CHD9: variants seen among roughly 807,000 people sequenced by gnomAD.
CHD9 encodes ATP-dependent chromatin remodeler CHD9.
CHD9 carries 77 observed loss-of-function variants against 316.1 expected under a neutral mutation model. The observed-to-expected ratio is 0.24, with a 90% confidence interval of 0.20 to 0.29. CHD9 has a LOEUF of 0.29. Ranked by LOEUF, CHD9 falls within the 10% of genes least tolerant of loss-of-function variation. The probability of loss-of-function intolerance (pLI) is 1.00; values close to 1 mark genes in which losing one functional copy is unlikely to be tolerated. For synonymous variants in CHD9, 1,129 were observed against 1,158.3 expected, an observed-to-expected ratio of 0.97 and a Z score of 0.51; for missense variants, 2,763 against 3,438.1, an observed-to-expected ratio of 0.80 and a Z score of 4.91.
At chr16:53,081,723 G>C (rs2035032358) in intron 1 of CHD9, among the ~76,000 whole-genome samples, 1 of 151,838 alleles carries the variant, frequency 6.6e-6, no homozygotes, top group Non-Finnish European at 1.5e-5. Context: ...AAGTAGCTGG[G>C]ACTACAGGTG....
intron 2 of CHD9, among the ~76,000 whole-genome samples, chr16:53,202,743 A>T (rs2045570553): frequency 6.6e-6 from 1 of 152,118 alleles, no homozygotes; most frequent in African/African-American, 2.4e-5. Context: ...GTATTACTGT[A>T]TCAATGCAAA....
At chr16:53,189,377 G>A (rs772539313) in intron 2 of CHD9, among the ~76,000 whole-genome samples, 2 of 151,934 alleles carry the variant, frequency 1.3e-5, no homozygotes, top group Non-Finnish European at 2.9e-5. Flanking sequence ...ATCATGAAAA[G>A]ATGTTGAAAC....
At position 53,156,947 on chromosome 16, in the gene CHD9, A is replaced by T; in HGVS notation, c.858A>T (p.Leu286=). ...GTAATCATATATCACCAAACAGTCT[A>T]CTTCAGTCCTCTGCAGTTCTTGCAT... The part of the protein sequence containing the change: ...FSSNHISPNS[L]LQSSAVLASN... The change falls in exon 2 of 39, where the codon CTA becomes CTT. Residue 286 remains leucine, a synonymous_variant. Transcript: ENST00000447540. 1 of 1,613,488 alleles carries T rather than the reference A, an allele frequency of 6.2e-7. No homozygotes were observed. Among genetic ancestry groups the T allele is most frequent in the Non-Finnish European group, 8.5e-7 (1 of 1,179,638 alleles).
At chr16:53,071,367 A>T (rs1296544919) in intron 1 of CHD9, among the ~76,000 whole-genome samples, 1 of 152,190 alleles carries the variant, frequency 6.6e-6, no homozygotes, top group Non-Finnish European at 1.5e-5. Context: ...ATGGTGTTAT[A>T]TAGACAATGA....
intron 2 of CHD9, among the ~76,000 whole-genome samples, chr16:53,172,938 T>A: frequency 6.6e-6 from 1 of 152,176 alleles, no homozygotes; most frequent in Non-Finnish European, 1.5e-5. Flanking sequence ...TTTCTCCCAG[T>A]CTGTGGGTTG....
In CHD9 at chr16:53,309,444, G is replaced by T. The variant is rs1199457911; in HGVS notation, c.7222+590G>T. Among the ~76,000 whole-genome samples the T allele has an allele frequency of 2.0e-5, 3 of 152,120 alleles. No homozygotes were observed. The East Asian group carries it at 5.8e-4, about 29-fold the overall frequency. On this transcript the variant is annotated intron_variant, in intron 34 of 38. Transcript: ENST00000447540. The stretch of plus-strand genomic sequence containing the variant: ...GGCAATGCATAATTAACCTAATCCT[G>T]TGTCTACATGATAAATCTTAGCATT...
Position 53,245,597 on chromosome 16 carries a change from A to G in CHD9, c.3201A>G (p.Val1067=). 1 of 1,558,326 alleles carries G rather than the reference A, an allele frequency of 6.4e-7. No individual in the cohort carries two copies. The highest frequency in any genetic ancestry group is 1.7e-4 in the Middle Eastern group (1 of 5,784). The change falls in exon 15 of 39, where the codon GTA becomes GTG. Residue 1067 remains valine (V), a splice_region_variant and synonymous_variant. Transcript: ENST00000447540. This position sits in a 1 kb window ranked among gnomAD's most constrained non-coding sequence, Gnocchi z 4.1. Reference sequence around the variant, plus strand: ...TCTTTTTATCATTTTTTATTCAGGTACAGAAACTTCAGGCTATCCTGAAAC... The same window carrying G: ...TCTTTTTATCATTTTTTATTCAGGTGCAGAAACTTCAGGCTATCCTGAAAC... The part of the protein sequence containing the change: ...EFGDLKTEEQ[V]QKLQAILKPM...
At chr16:53,221,493 C>T (rs2047227893) in intron 3 of CHD9, among the ~76,000 whole-genome samples, 1 of 152,172 alleles carries the variant, frequency 6.6e-6, no homozygotes, top group East Asian at 1.9e-4. Flanking sequence ...TAAAATAGTA[C>T]GTTGCTGATT....
At chr16:53,098,666 G>A (rs1256216428) in intron 1 of CHD9, among the ~76,000 whole-genome samples, 1 of 152,122 alleles carries the variant, frequency 6.6e-6, no homozygotes, top group African/African-American at 2.4e-5. Context: ...ACGCGAGGCA[G>A]GAGGCATGCA....
At chr16:53,137,208 C>T (rs1179808902) in intron 1 of CHD9, among the ~76,000 whole-genome samples, 1 of 152,006 alleles carries the variant, frequency 6.6e-6, no homozygotes, top group Non-Finnish European at 1.5e-5. Flanking sequence ...TCTTGACCTC[C>T]TGACCTGCCC....
intron 2 of CHD9, among the ~76,000 whole-genome samples, chr16:53,171,807 AC>A (rs1418517801): frequency 1.3e-5 from 2 of 150,598 alleles, no homozygotes; most frequent in African/African-American, 2.4e-5. Flanking sequence ...ACAGAGGGAG[AC>A]CCTATCTCAA....
intron 36 of CHD9, among the ~76,000 whole-genome samples, chr16:53,316,463 T>C (rs1357166367): frequency 6.6e-6 from 1 of 152,198 alleles, no homozygotes; most frequent in Non-Finnish European, 1.5e-5. Context: ...CTTTATTAAC[T>C]TTTTAAACTT....
chr16:53,061,836 G>A (rs1237000829), intron 1 of CHD9, among the ~76,000 whole-genome samples: 2 of 152,144 alleles, frequency 1.3e-5, no homozygotes, highest in Admixed American at 1.3e-4. Flanking sequence ...GTATGGGTGG[G>A]GCACCCATAG....
intron 2 of CHD9, among the ~76,000 whole-genome samples, chr16:53,197,968 T>G (rs997395915): frequency 2.0e-5 from 3 of 151,932 alleles, no homozygotes; most frequent in Non-Finnish European, 2.9e-5. Context: ...TCCCTAGCAT[T>G]TTTGGTTTGA....
chr16:53,072,095 ACT>A (rs961934810), intron 1 of CHD9, among the ~76,000 whole-genome samples: 6 of 151,630 alleles, frequency 4.0e-5, no homozygotes, highest in African/African-American at 1.2e-4. Context: ...CTAGAGACAG[ACT>A]CTGTCTCCTT....
At chr16:53,197,737 C>CT (rs2045059459) in intron 2 of CHD9, among the ~76,000 whole-genome samples, 2 of 151,696 alleles carry the variant, frequency 1.3e-5, no homozygotes, top group Non-Finnish European at 2.9e-5. Flanking sequence ...GCGCCGCAAC[C>CT]TCCGTCACCC....
intron 1 of CHD9, among the ~76,000 whole-genome samples, chr16:53,091,514 A>T (rs1213064881): frequency 6.6e-6 from 1 of 152,136 alleles, no homozygotes; most frequent in Non-Finnish European, 1.5e-5. Context: ...CACAGGGAGG[A>T]GGCGAACGCC....
chr16:53,278,422 A>G (rs1181979287), intron 24 of CHD9, among the ~76,000 whole-genome samples: 1 of 152,184 alleles, frequency 6.6e-6, no homozygotes, highest in Non-Finnish European at 1.5e-5. Context: ...ACACAGACCA[A>G]TGGAACAGAA....
intron 1 of CHD9, among the ~76,000 whole-genome samples, chr16:53,110,920 TA>T (rs2037816265): frequency 6.6e-6 from 1 of 152,140 alleles, no homozygotes; most frequent in African/African-American, 2.4e-5. Context: ...GATAAGAAAG[TA>T]GGCAAAGGAA....
Sources: gnomAD v4.1 joint callset for allele counts (sites outside exome capture counted in the v4.1 genomes callset) on GRCh38, gnomAD v4.1.1 for gene constraint, Gnocchi (gnomAD v3.1) non-coding constraint, MANE v1.5 for transcripts, NCBI Gene and HGNC (gene_info 2026-07-23, HGNC 2026-07-21) for gene names.